AGO2: variants seen among roughly 807,000 people sequenced by gnomAD.
AGO2 encodes the protein protein argonaute-2.
Under a neutral mutation model 102.3 loss-of-function variants are expected in AGO2, and 5 were observed. That is an observed-to-expected ratio of 0.05 (90% CI 0.03 to 0.10). AGO2 has a LOEUF of 0.10. Ranked by LOEUF, AGO2 falls within the 10% of genes least tolerant of loss-of-function variation. The pLI is 1.00. For synonymous variants in AGO2, 449 were observed against 473.1 expected, an observed-to-expected ratio of 0.95 and a Z score of 0.66; for missense variants, 541 against 1,183.7, an observed-to-expected ratio of 0.46 and a Z score of 7.97.
rs1564064091 is a variant in AGO2, at chr8:140,523,405, A to C, written c.*8639T>G. Reference sequence around the variant, plus strand: ...CTTTTTCAATTATTTTATAAAAATAAAATAAAACTAGAAAAATTGATAAAA... The same window carrying C: ...CTTTTTCAATTATTTTATAAAAATACAATAAAACTAGAAAAATTGATAAAA... On this transcript the variant is annotated 3_prime_UTR_variant, in exon 19 of 19. Coordinates refer to ENST00000220592, the MANE Select transcript of AGO2 (RefSeq NM_012154.5). 1.3e-5 allele frequency: 2 copies of C among 152,182 alleles called. No homozygotes were observed. The highest frequency in any genetic ancestry group is 2.9e-5 in the Non-Finnish European group (2 of 68,044). The allele number at this position is 152,182 out of a possible 1,614,324, so 9.4% of individuals were successfully genotyped here. A position where few individuals can be genotyped will look rare whatever the true frequency, so the allele number is the denominator to read the frequency against.
At chr8:140,574,242 T>C (rs758298848) in intron 2 of AGO2, among the ~76,000 whole-genome samples, 2 of 151,456 alleles carry the variant, frequency 1.3e-5, no homozygotes, top group African/African-American at 2.4e-5. Flanking sequence ...CTTGGCATAG[T>C]ACTCTCCTGG....
In AGO2 at chr8:140,578,767, C is replaced by T. The variant is rs566041749; in HGVS notation, c.216-5835G>A. Among the ~76,000 whole-genome samples the T allele has an allele frequency of 3.3e-5, 5 of 152,372 alleles. No individual in the cohort carries two copies. The South Asian group carries it at 8.3e-4, about 25-fold the overall frequency. On this transcript the variant is annotated intron_variant, in intron 2 of 18. Transcript: ENST00000220592. ...TGCCAAGTTCTTAGTGGGGACAGCT[C>T]CCTCTTCAGTCGCCACCCAGGGAAA...
intron 1 of AGO2, among the ~76,000 whole-genome samples, chr8:140,620,218 T>C (rs1438352476): frequency 4.6e-5 from 7 of 152,138 alleles, no homozygotes; most frequent in Non-Finnish European, 1.0e-4. Context: ...GAAGTGAGCA[T>C]GGACTATCCA....
intron 2 of AGO2, among the ~76,000 whole-genome samples, chr8:140,582,558 T>G (rs7825416): frequency 6.6e-6 from 1 of 152,124 alleles, no homozygotes; most frequent in African/African-American, 2.4e-5. Flanking sequence ...TTATTTTTTT[T>G]AAAGGTCAAC....
intron 2 of AGO2, among the ~76,000 whole-genome samples, chr8:140,581,014 G>A (rs2073548701): frequency 6.6e-6 from 1 of 152,258 alleles, no homozygotes. Flanking sequence ...GTCAGATAAC[G>A]AAGCCTTGGC....
In AGO2 at chr8:140,535,360, C is replaced by T. The variant is rs1003588872; in HGVS notation, c.2271+108G>A. The T allele has an allele frequency of 1.1e-5, 13 of 1,167,850 alleles. No homozygotes were observed. The African/African-American group carries it at 2.0e-4, about 18-fold the overall frequency. 72.3% of individuals were successfully genotyped at this position (1,167,850 alleles called of 1,614,324 possible). ...GGTTCCCTGGTACTGCCTGTGTGGG[C>T]CCCTCACACCACATCCCACGTGCCA... On this transcript the variant is annotated intron_variant, in intron 17 of 18. Coordinates refer to ENST00000220592, the MANE Select transcript of AGO2 (RefSeq NM_012154.5).
intron 1 of AGO2, among the ~76,000 whole-genome samples, chr8:140,609,162 A>C (rs1392085090): frequency 6.6e-6 from 1 of 152,272 alleles, no homozygotes; most frequent in Non-Finnish European, 1.5e-5. Flanking sequence ...AAGGGAAAGG[A>C]AAAGCCAGCG....
chr8:140,581,433 C>T (rs189908227), intron 2 of AGO2, among the ~76,000 whole-genome samples: 4 of 152,136 alleles, frequency 2.6e-5, no homozygotes, highest in Non-Finnish European at 4.4e-5. Flanking sequence ...GCACGAGAAT[C>T]GCTTGAACCC....
chr8:140,565,761 A>T, intron 3 of AGO2, among the ~76,000 whole-genome samples: 1 of 152,182 alleles, frequency 6.6e-6, no homozygotes, highest in Non-Finnish European at 1.5e-5. Context: ...GACTATTAGT[A>T]GTAGTTTACG....
intron 1 of AGO2, among the ~76,000 whole-genome samples, chr8:140,586,404 A>G (rs2073656752): frequency 6.6e-6 from 1 of 152,190 alleles, no homozygotes; most frequent in Non-Finnish European, 1.5e-5. Flanking sequence ...GAGGCAGGAG[A>G]ACCGCTTGAA....
At chr8:140,538,276 T>C (rs1264895638) in intron 16 of AGO2, among the ~76,000 whole-genome samples, 1 of 152,188 alleles carries the variant, frequency 6.6e-6, no homozygotes, top group African/African-American at 2.4e-5. Flanking sequence ...CTTTCCTGGG[T>C]GCCAAGTAGA....
intron 1 of AGO2, among the ~76,000 whole-genome samples, chr8:140,608,004 C>T (rs1304414689): frequency 6.6e-6 from 1 of 152,148 alleles, no homozygotes; most frequent in African/African-American, 2.4e-5. Flanking sequence ...CTTTATGCTC[C>T]CCCTGGAGGA....
chr8:140,589,357 G>A lies in AGO2; in HGVS notation c.23-4046C>T, dbSNP rs542708999. Among the ~76,000 whole-genome samples the A allele has an allele frequency of 2.0e-5, 3 of 152,238 alleles. No individual in the cohort carries two copies. The highest frequency in any genetic ancestry group is 4.4e-5 in the Non-Finnish European group (3 of 68,000). On this transcript the variant is annotated intron_variant, in intron 1 of 18. Transcript: ENST00000220592. This position sits in a 1 kb window ranked among gnomAD's most constrained non-coding sequence, Gnocchi z 4.2. Reference sequence around the variant, plus strand: ...GAAGCCGCTTTGGCTACCGGCGGGTGAACCACAGGCCCGGGTCAGCACCCA... The same window carrying A: ...GAAGCCGCTTTGGCTACCGGCGGGTAAACCACAGGCCCGGGTCAGCACCCA...
At chr8:140,542,438 AAAAT>A (rs1332425796) in intron 14 of AGO2, among the ~76,000 whole-genome samples, 2 of 152,202 alleles carry the variant, frequency 1.3e-5, no homozygotes, top group African/African-American at 2.4e-5. Flanking sequence ...AACCAAGAGA[AAAAT>A]AAATAAACTC....
chr8:140,560,568 C>A, intron 4 of AGO2, 58 bp from the exon 5 acceptor site: 2 of 1,572,216 alleles, frequency 1.3e-6, no homozygotes, highest in Non-Finnish European at 1.7e-6. Flanking sequence ...GAAGGAACAG[C>A]TGCCTCTGGG....
At position 140,547,631 on chromosome 8, in the gene AGO2, A is replaced by C. The variant is rs377646938; in HGVS notation, c.1589-4T>G. On this transcript the variant is annotated splice_polypyrimidine_tract_variant and splice_region_variant and intron_variant, in intron 12 of 18. Coordinates refer to ENST00000220592, the MANE Select transcript of AGO2 (RefSeq NM_012154.5). ...TCTCCCACGCGCTTGACCTCGGCTA[A>C]GGGACATGAGAGGCACACACAGCTC... 148 of 1,610,020 alleles carry C rather than the reference A, an allele frequency of 9.2e-5. No homozygotes were observed. In the African/African-American group the frequency reaches 1.7e-3, roughly 18 times the overall value.
intron 2 of AGO2, among the ~76,000 whole-genome samples, chr8:140,583,983 G>A (rs1394799519): frequency 6.6e-6 from 1 of 152,210 alleles, no homozygotes; most frequent in Non-Finnish European, 1.5e-5. Flanking sequence ...GGTGGTATAT[G>A]TGTCTGTCAC....
chr8:140,528,364 CAAAT>C lies in AGO2; in HGVS notation c.*3676_*3679del, dbSNP rs937095834. ...TTGCATTTAACAGCAATAAAAGTAACAAATAACAACAACAATAAAACCCCCCACC... is the reference window on the plus strand; with the variant it reads ...TTGCATTTAACAGCAATAAAAGTAACAACAACAACAATAAAACCCCCCACC... On this transcript the variant is annotated 3_prime_UTR_variant, in exon 19 of 19. Transcript: ENST00000220592. The surrounding 1 kb of genome is among the most constrained non-coding windows in gnomAD (Gnocchi z 4.5). 2.2e-4 allele frequency: 33 copies of C among 152,262 alleles called. No individual in the cohort carries two copies. The highest frequency in any genetic ancestry group is 7.0e-4 in the African/African-American group (29 of 41,530). 9.4% of individuals were successfully genotyped at this position (152,262 alleles called of 1,614,324 possible). A position where few individuals can be genotyped will look rare whatever the true frequency, so the allele number is the denominator to read the frequency against.
intron 1 of AGO2, among the ~76,000 whole-genome samples, chr8:140,629,015 T>C (rs2074308388): frequency 6.6e-6 from 1 of 152,010 alleles, no homozygotes; most frequent in African/African-American, 2.4e-5. Flanking sequence ...CACTTGAACC[T>C]GGGAGGCGGA....
Sources: gnomAD v4.1 joint callset for allele counts (sites outside exome capture counted in the v4.1 genomes callset) on GRCh38, gnomAD v4.1.1 for gene constraint, Gnocchi (gnomAD v3.1) non-coding constraint, MANE v1.5 for transcripts, NCBI Gene and HGNC (gene_info 2026-07-23, HGNC 2026-07-21) for gene names.